PPM1D: variants seen among roughly 807,000 people sequenced by gnomAD.
PPM1D encodes protein phosphatase 1D.
PPM1D carries 52 observed loss-of-function variants against 58.3 expected under a neutral mutation model. That is an observed-to-expected ratio of 0.89 (90% CI 0.71 to 1.12). The LOEUF is 1.12. PPM1D is among the 50% of genes most tolerant of loss of function. The probability of loss-of-function intolerance (pLI) is 0.00; values close to 1 mark genes in which losing one functional copy is unlikely to be tolerated. For missense variants in PPM1D, 564 were observed against 777.2 expected, an observed-to-expected ratio of 0.73 and a Z score of 3.26; for synonymous variants, 278 against 285.1, an observed-to-expected ratio of 0.98 and a Z score of 0.25.
In PPM1D at chr17:60,665,255, C is replaced by T. The variant is rs1426114327; in HGVS notation, c.*1703C>T. 1.3e-5 allele frequency: 2 copies of T among 152,214 alleles called. No homozygotes were observed. The highest frequency in any genetic ancestry group is 4.8e-5 in the African/African-American group (2 of 41,448). The allele number at this position is 152,214 out of a possible 1,614,324, so 9.4% of individuals were successfully genotyped here. On this transcript the variant is annotated 3_prime_UTR_variant, in exon 6 of 6. Transcript: ENST00000305921. Reference sequence around the variant, plus strand: ...AAGTACTGGGATTACAGGCGTGAGCCACCGCATCCGGCCTGAGTTTTATGC... The same window carrying T: ...AAGTACTGGGATTACAGGCGTGAGCTACCGCATCCGGCCTGAGTTTTATGC...
intron 3 of PPM1D, among the ~76,000 whole-genome samples, chr17:60,643,382 A>C (rs901619758): frequency 6.6e-6 from 1 of 152,116 alleles, no homozygotes; most frequent in African/African-American, 2.4e-5. Flanking sequence ...CCCAGTCTCA[A>C]AAAAAAGAAA....
chr17:60,657,944 T>C (rs1598413892), intron 5 of PPM1D, among the ~76,000 whole-genome samples: 1 of 152,290 alleles, frequency 6.6e-6, no homozygotes, highest in East Asian at 1.9e-4. Flanking sequence ...TTTCACCATG[T>C]TGTCCAAGCT....
intron 1 of PPM1D, among the ~76,000 whole-genome samples, chr17:60,604,258 G>A (rs2030283517): frequency 6.6e-6 from 1 of 152,224 alleles, no homozygotes; most frequent in Non-Finnish European, 1.5e-5. Flanking sequence ...CTAGTTCACT[G>A]TTGTGGATAC....
At chr17:60,632,626 G>A (rs2030945479) in intron 2 of PPM1D, among the ~76,000 whole-genome samples, 1 of 152,158 alleles carries the variant, frequency 6.6e-6, no homozygotes, top group African/African-American at 2.4e-5. Flanking sequence ...TTGGGAGACT[G>A]AAGTGGGAGG....
In PPM1D at chr17:60,627,932, C is replaced by G. The variant is rs546089520; in HGVS notation, c.701+4183C>G. Among the ~76,000 whole-genome samples the G allele has an allele frequency of 2.0e-5, 3 of 151,168 alleles. No individual in the cohort carries two copies. The South Asian group carries it at 6.2e-4, about 31-fold the overall frequency. ...TTGAGTTTTGCTCTTATTGCCCAGG[C>G]TGGAGTGCAGTGGCACGATCTCGTC... On this transcript the variant is annotated intron_variant, in intron 2 of 5. Coordinates refer to ENST00000305921, the MANE Select transcript of PPM1D (RefSeq NM_003620.4).
At chr17:60,611,097 T>C (rs2030444785) in intron 1 of PPM1D, among the ~76,000 whole-genome samples, 1 of 151,932 alleles carries the variant, frequency 6.6e-6, no homozygotes, top group Non-Finnish European at 1.5e-5. Context: ...CTCAGCTCAT[T>C]GCAACCTCTG....
chr17:60,613,686 C>A (rs2030509213), intron 1 of PPM1D, among the ~76,000 whole-genome samples: 1 of 152,246 alleles, frequency 6.6e-6, no homozygotes, highest in Admixed American at 6.5e-5. Context: ...TGGGCATGGG[C>A]TCCGCAGGCC....
At chr17:60,636,261 A>T (rs759997228) in intron 3 of PPM1D, among the ~76,000 whole-genome samples, 1 of 152,162 alleles carries the variant, frequency 6.6e-6, no homozygotes, top group Non-Finnish European at 1.5e-5. Context: ...AAGTATATCA[A>T]ATAATTTGTG....
At chr17:60,606,999 ATT>A (rs996101204) in intron 1 of PPM1D, among the ~76,000 whole-genome samples, 11 of 143,092 alleles carry the variant, frequency 7.7e-5, no homozygotes, top group African/African-American at 2.8e-4. Context: ...TTTTTTTTTA[ATT>A]TTTTTTTTTT....
At chr17:60,660,077 T>C (rs1361719060) in intron 5 of PPM1D, among the ~76,000 whole-genome samples, 2 of 152,238 alleles carry the variant, frequency 1.3e-5, no homozygotes, top group South Asian at 4.1e-4. Context: ...GACATGTGCC[T>C]GTAATCCCAG....
chr17:60,602,765 C>T (rs980600022), intron 1 of PPM1D, among the ~76,000 whole-genome samples: 6 of 130,874 alleles, frequency 4.6e-5, no homozygotes, highest in Non-Finnish European at 9.4e-5. Flanking sequence ...CCTCAGACTT[C>T]GTCCTCAAAG....
rs117380433 is a variant in PPM1D, at chr17:60,655,667, C to T, written c.1018-932C>T. ...TGGCTACTTTCTTTTTAAGTAACTTCTTTATAACTTTTTCTTTTCTTTTTT... is the reference window on the plus strand; with the variant it reads ...TGGCTACTTTCTTTTTAAGTAACTTTTTTATAACTTTTTCTTTTCTTTTTT... On this transcript the variant is annotated intron_variant, in intron 4 of 5. Coordinates refer to ENST00000305921, the MANE Select transcript of PPM1D (RefSeq NM_003620.4). Among the ~76,000 whole-genome samples the T allele has an allele frequency of 0.018, 2,708 of 151,200 alleles. 297 individuals carry two copies. The East Asian group carries it at 0.32, about 18-fold the overall frequency.
intron 4 of PPM1D, among the ~76,000 whole-genome samples, chr17:60,655,347 CTTGTTG>C (rs373634562): frequency 2.3e-4 from 35 of 152,106 alleles, no homozygotes; most frequent in Admixed American, 2.3e-3. Context: ...ATGTTTACTT[CTTGTTG>C]TTGTTGTTGT....
At position 60,663,602 on chromosome 17, in the gene PPM1D, T is replaced by A. The variant is rs765756794; in HGVS notation, c.*50T>A. 1.9e-6 allele frequency: 3 copies of A among 1,541,050 alleles called. No individual in the cohort carries two copies. Among genetic ancestry groups the A allele is most frequent in the Non-Finnish European group, 1.7e-6 (2 of 1,148,670 alleles). On this transcript the variant is annotated 3_prime_UTR_variant, in exon 6 of 6. Transcript: ENST00000305921. ...TCCAAACTTAGGATATAAGAGGGCTTTTTAAATTTGGTGCCGATGTTGAAC... is the reference window on the plus strand; with the variant it reads ...TCCAAACTTAGGATATAAGAGGGCTATTTAAATTTGGTGCCGATGTTGAAC...
At chr17:60,625,794 G>A (rs1255947145) in intron 2 of PPM1D, among the ~76,000 whole-genome samples, 1 of 152,100 alleles carries the variant, frequency 6.6e-6, no homozygotes, top group Non-Finnish European at 1.5e-5. Context: ...GAATAAGATG[G>A]AAATATTCTA....
At chr17:60,637,142 A>G (rs186598260) in intron 3 of PPM1D, among the ~76,000 whole-genome samples, 119 of 151,978 alleles carry the variant, frequency 7.8e-4, no homozygotes, top group African/African-American at 2.8e-3. Context: ...CTAATTTTGT[A>G]TTTTTAGTAA....
intron 3 of PPM1D, among the ~76,000 whole-genome samples, chr17:60,637,938 A>C (rs1264321715): frequency 6.6e-6 from 1 of 152,174 alleles, no homozygotes; most frequent in Non-Finnish European, 1.5e-5. Context: ...TACTGTTGTC[A>C]TTTAGGTGGA....
intron 1 of PPM1D, among the ~76,000 whole-genome samples, chr17:60,623,219 C>T (rs1295892490): frequency 6.6e-6 from 1 of 152,182 alleles, no homozygotes; most frequent in Non-Finnish European, 1.5e-5. Context: ...TTAACACATT[C>T]TTTCCTATCA....
At chr17:60,647,208 C>A (rs1023800872) in intron 3 of PPM1D, among the ~76,000 whole-genome samples, 6 of 152,252 alleles carry the variant, frequency 3.9e-5, no homozygotes, top group Non-Finnish European at 8.8e-5. Context: ...GTATTGCTAT[C>A]TATGAATCTG....
Sources: allele counts gnomAD v4.1 joint callset (sites outside exome capture counted in the v4.1 genomes callset), GRCh38; gene constraint gnomAD v4.1.1; transcripts MANE v1.5; gene names NCBI Gene and HGNC (gene_info 2026-07-23, HGNC 2026-07-21).